Variants in RASGRP3 observed in about 807,000 individuals in gnomAD.
The protein encoded by RASGRP3 is RAS guanyl releasing protein 3, also known as ras guanyl-releasing protein 3.
RASGRP3 carries 54 observed loss-of-function variants against 82.7 expected under a neutral mutation model. The observed-to-expected ratio is 0.65, with a 90% confidence interval of 0.52 to 0.82. RASGRP3 has a LOEUF of 0.82. Among genes scored for constraint, RASGRP3 ranks in the 40% least tolerant of loss-of-function variants. RASGRP3 has a pLI of 0.00. For missense variants in RASGRP3, 861 were observed against 828.9 expected (o/e 1.04, Z -0.48); for synonymous variants, 309 against 300.5 (o/e 1.03, Z -0.29).
chr2:33,559,502 A>G (rs1272821979), intron 17 of RASGRP3: 1 of 411,180 alleles, frequency 2.4e-6, no homozygotes, highest in African/African-American at 2.0e-5. Flanking sequence ...GGGTGGTGAG[A>G]ATCAGAGATA....
At chr2:33,488,831 T>A (rs1668610707) in intron 1 of RASGRP3, among the ~76,000 whole-genome samples, 1 of 152,250 alleles carries the variant, frequency 6.6e-6, no homozygotes, top group African/African-American at 2.4e-5. Context: ...ATTCAAATGT[T>A]TTTTGTTGAT....
chr2:33,482,680 A>G (rs1023319079), intron 1 of RASGRP3: 1 of 152,222 alleles, frequency 6.6e-6, no homozygotes, highest in Non-Finnish European at 1.5e-5. Flanking sequence ...ACTATCTGTC[A>G]GTTTCCCAAT....
intron 1 of RASGRP3, among the ~76,000 whole-genome samples, chr2:33,446,643 G>A (rs1259388639): frequency 6.6e-6 from 1 of 152,120 alleles, no homozygotes; most frequent in Non-Finnish European, 1.5e-5. Context: ...CTTGGAGAAA[G>A]GGTGAGGAAG....
chr2:33,475,494 A>G (rs939642471), upstream of RASGRP3, among the ~76,000 whole-genome samples: 21 of 152,252 alleles, frequency 1.4e-4, no homozygotes, highest in South Asian at 6.2e-4. Flanking sequence ...TAACAGGCAC[A>G]TTATGGTTCA....
intron 1 of RASGRP3, among the ~76,000 whole-genome samples, chr2:33,444,760 C>A (rs969426865): frequency 1.3e-5 from 2 of 152,190 alleles, no homozygotes; most frequent in Admixed American, 6.5e-5. Flanking sequence ...GGCTGGGTAA[C>A]TATGGATTCC....
intron 2 of RASGRP3, among the ~76,000 whole-genome samples, chr2:33,460,566 G>A (rs1033507331): frequency 2.0e-5 from 3 of 150,926 alleles, no homozygotes; most frequent in African/African-American, 7.3e-5. Flanking sequence ...CCAGGCTGGA[G>A]TGCAATGGCG....
rs1668148808 is a variant in RASGRP3 at position 33,483,891 on chromosome 2, G to C, written c.-261+7184G>C. 1.3e-5 allele frequency among the ~76,000 whole-genome samples: 2 copies of C among 152,184 alleles called. 1 individual carries two copies. Among genetic ancestry groups the C allele is most frequent in the South Asian group, 4.2e-4 (2 of 4,814 alleles). On this transcript the variant is annotated intron_variant, in intron 1 of 17. Transcript: ENST00000403687. ...TAATTGCTTGTCCTTTTCCCATCTG[G>C]GGTGTTTGTACTATGCTAGAGACCT... is the stretch of plus-strand genomic sequence containing the variant.
At chr2:33,478,051 C>G (rs1258908940) in intron 1 of RASGRP3, among the ~76,000 whole-genome samples, 1 of 152,184 alleles carries the variant, frequency 6.6e-6, no homozygotes, top group Non-Finnish European at 1.5e-5. Context: ...CCTTACCATC[C>G]TTTGTTGTTT....
At chr2:33,555,264 A>C (rs1203035606) in intron 14 of RASGRP3, 1 of 311,608 alleles carries the variant, frequency 3.2e-6, no homozygotes, top group Non-Finnish European at 5.9e-6. Flanking sequence ...ATCAGGCCAA[A>C]GTCTGGTGCA....
intron 1 of RASGRP3, among the ~76,000 whole-genome samples, chr2:33,502,762 G>A (rs112532695): frequency 1.7e-3 from 255 of 152,192 alleles, no homozygotes; most frequent in Middle Eastern, 3.4e-3. Flanking sequence ...TGATGCACTC[G>A]CCTTGGCCTC....
chr2:33,504,979 T>C lies in RASGRP3; in HGVS notation c.-260-6731T>C, dbSNP rs1670223179. 2.0e-5 allele frequency among the ~76,000 whole-genome samples: 3 copies of C among 152,158 alleles called. No individual in the cohort carries two copies. In the South Asian group the frequency reaches 6.2e-4, roughly 32 times the overall value. The stretch of plus-strand genomic sequence containing the variant: ...CCTCATTGCATTTTTTGGTGAGAAT[T>C]AAGTAAAAAGCAAGATTTAGCCACA... On this transcript the variant is annotated intron_variant, in intron 1 of 17. Transcript: ENST00000403687.
rs187873395 is a variant in RASGRP3, at chr2:33,561,060, T to G, written c.2065-1669T>G. Among the ~76,000 whole-genome samples the G allele has an allele frequency of 1.7e-4, 26 of 152,248 alleles. No individual in the cohort carries two copies. In the East Asian group the frequency reaches 2.9e-3, roughly 17 times the overall value. ...CTTATCCTTTCTGTGTTCTTATCTC[T>G]TTTCTTTCTTTTTTTTTTTTCTTTG... On this transcript the variant is annotated intron_variant, in intron 17 of 17. Coordinates refer to ENST00000403687, the MANE Select transcript of RASGRP3 (RefSeq NM_001139488.2).
chr2:33,459,333 A>C lies in RASGRP3; in HGVS notation c.-261+11390A>C, dbSNP rs530013522. 9.9e-5 allele frequency among the ~76,000 whole-genome samples: 15 copies of C among 152,120 alleles called. No homozygotes were observed. The South Asian group carries it at 3.1e-3, about 32-fold the overall frequency. ...GTATTTTTAGTAGAGACAGGGTTTC[A>C]CTGTGTTAACCAGGATGGTCTCGAT... is the stretch of plus-strand genomic sequence containing the variant. On this transcript the variant is annotated intron_variant, in intron 2 of 18. Coordinates refer to the RASGRP3 transcript ENST00000402538.
At chr2:33,502,390 G>T (rs765890208) in intron 1 of RASGRP3, among the ~76,000 whole-genome samples, 1 of 151,944 alleles carries the variant, frequency 6.6e-6, no homozygotes, top group Non-Finnish European at 1.5e-5. Context: ...GTCTTAATTT[G>T]CTCACACTTT....
chr2:33,499,370 C>A (rs922440945), intron 1 of RASGRP3, among the ~76,000 whole-genome samples: 2 of 152,080 alleles, frequency 1.3e-5, no homozygotes, highest in Admixed American at 6.5e-5. Context: ...CCAGCCTGGG[C>A]AACATGGTGA....
At chr2:33,442,366 A>G (rs1035859336) in intron 1 of RASGRP3, among the ~76,000 whole-genome samples, 4 of 152,204 alleles carry the variant, frequency 2.6e-5, no homozygotes, top group Admixed American at 6.5e-5. Flanking sequence ...TACGTCTCGA[A>G]AAAAAATTTC....
chr2:33,506,744 G>T (rs972033988), intron 1 of RASGRP3, among the ~76,000 whole-genome samples: 1 of 152,198 alleles, frequency 6.6e-6, no homozygotes, highest in Admixed American at 6.5e-5. Flanking sequence ...AGTATTAAGT[G>T]TGGCTCCTTC....
intron 1 of RASGRP3, among the ~76,000 whole-genome samples, chr2:33,445,025 C>T (rs1355482595): frequency 1.3e-5 from 2 of 152,214 alleles, no homozygotes; most frequent in Non-Finnish European, 2.9e-5. Context: ...CATGCACACA[C>T]GCACATACTT....
At chr2:33,548,675 G>A (rs188908138) in intron 13 of RASGRP3, among the ~76,000 whole-genome samples, 27 of 152,038 alleles carry the variant, frequency 1.8e-4, no homozygotes, top group Admixed American at 5.9e-4. Context: ...GCAAGATAGA[G>A]CTCACCTGTG....
Sources: allele counts gnomAD v4.1 joint callset (sites outside exome capture counted in the v4.1 genomes callset), GRCh38; gene constraint gnomAD v4.1.1; transcripts MANE v1.5; gene names NCBI Gene and HGNC (gene_info 2026-07-23, HGNC 2026-07-21).